Variants in EFNA5 observed in about 807,000 individuals in gnomAD.
EFNA5 encodes the protein ephrin A5.
In EFNA5, 5 loss-of-function variants were observed where a neutral mutation model predicts 22.9. The ratio of observed to expected loss-of-function variants is 0.22; its 90% CI spans 0.11 to 0.46. The LOEUF (loss-of-function observed/expected upper bound fraction) is 0.46. Among genes scored for constraint, EFNA5 ranks in the 20% least tolerant of loss-of-function variants. EFNA5 has a pLI of 0.99. For missense variants in EFNA5, 237 were observed against 293.3 expected, an observed-to-expected ratio of 0.81 and a Z score of 1.40; for synonymous variants, 113 against 112.2, an observed-to-expected ratio of 1.01 and a Z score of -0.04.
chr5:107,566,480 A>G (rs186876204), intron 1 of EFNA5, among the ~76,000 whole-genome samples: 129 of 152,350 alleles, frequency 8.5e-4, no homozygotes, highest in African/African-American at 2.9e-3. Flanking sequence ...GGAGCTTAGA[A>G]TAAAACAGTC....
chr5:107,527,909 A>G (rs1025890510), intron 1 of EFNA5, among the ~76,000 whole-genome samples: 1 of 152,172 alleles, frequency 6.6e-6, no homozygotes, highest in African/African-American at 2.4e-5. Context: ...TCAGTACATG[A>G]AAAATGTCAC....
chr5:107,552,905 C>T (rs1187820792), intron 1 of EFNA5, among the ~76,000 whole-genome samples: 1 of 152,180 alleles, frequency 6.6e-6, no homozygotes, highest in South Asian at 2.1e-4. Flanking sequence ...TAAGCTGTAA[C>T]ATGTGGGCAA....
chr5:107,595,201 C>T (rs1023066979), intron 1 of EFNA5, among the ~76,000 whole-genome samples: 11 of 151,690 alleles, frequency 7.3e-5, no homozygotes, highest in Middle Eastern at 3.4e-3. Flanking sequence ...ATAAGTATAA[C>T]CTTTAGAATG....
At chr5:107,418,183 G>A (rs1382632265) in intron 2 of EFNA5, among the ~76,000 whole-genome samples, 1 of 152,186 alleles carries the variant, frequency 6.6e-6, no homozygotes, top group African/African-American at 2.4e-5. Context: ...GAAACACAGA[G>A]AATAGCATGC....
chr5:107,544,749 C>T (rs942715826), intron 1 of EFNA5, among the ~76,000 whole-genome samples: 5 of 152,198 alleles, frequency 3.3e-5, no homozygotes, highest in Non-Finnish European at 5.9e-5. Context: ...ACTTGCCAAA[C>T]TCCCTGAGTG....
At chr5:107,591,545 G>C (rs1027736010) in intron 1 of EFNA5, among the ~76,000 whole-genome samples, 1 of 151,690 alleles carries the variant, frequency 6.6e-6, no homozygotes, top group Admixed American at 6.6e-5. Context: ...TATTGAGGCC[G>C]GGTGCAGTGG....
intron 1 of EFNA5, among the ~76,000 whole-genome samples, chr5:107,468,072 G>C (rs1389340997): frequency 6.6e-6 from 1 of 152,118 alleles, no homozygotes; most frequent in East Asian, 1.9e-4. Flanking sequence ...TTGGTAGAAC[G>C]GATAGCATAC....
intron 1 of EFNA5, among the ~76,000 whole-genome samples, chr5:107,461,992 C>T (rs1749847759): frequency 6.6e-6 from 1 of 152,146 alleles, no homozygotes; most frequent in African/African-American, 2.4e-5. Context: ...TTCCAATGTG[C>T]CCTGCACAGA....
chr5:107,654,971 T>C (rs919924815), intron 1 of EFNA5, among the ~76,000 whole-genome samples: 1 of 151,802 alleles, frequency 6.6e-6, no homozygotes, highest in Admixed American at 6.6e-5. Context: ...AATTACTGGA[T>C]AGCTATACAC....
At chr5:107,430,654 A>G (rs2112424658) in intron 1 of EFNA5, among the ~76,000 whole-genome samples, 1 of 151,900 alleles carries the variant, frequency 6.6e-6, no homozygotes, top group African/African-American at 2.4e-5. Flanking sequence ...GACCCATTCT[A>G]CTTTGTGTTG....
At chr5:107,391,284 T>A (rs1216242158) in intron 2 of EFNA5, among the ~76,000 whole-genome samples, 1 of 152,146 alleles carries the variant, frequency 6.6e-6, no homozygotes, top group East Asian at 1.9e-4. Context: ...AGCTGGGACA[T>A]AAATATGAAC....
At chr5:107,657,754 A>T (rs975151472) in intron 1 of EFNA5, among the ~76,000 whole-genome samples, 2 of 152,140 alleles carry the variant, frequency 1.3e-5, no homozygotes, top group African/African-American at 4.8e-5. Context: ...CATTCCATAG[A>T]GGTACATTTC....
intron 1 of EFNA5, among the ~76,000 whole-genome samples, chr5:107,507,036 G>A (rs1249621233): frequency 6.6e-6 from 1 of 152,058 alleles, no homozygotes; most frequent in Non-Finnish European, 1.5e-5. Flanking sequence ...GATTAGAGAA[G>A]TAACATAAAA....
At chr5:107,548,474 A>T (rs897011674) in intron 1 of EFNA5, among the ~76,000 whole-genome samples, 5 of 152,238 alleles carry the variant, frequency 3.3e-5, no homozygotes, top group African/African-American at 1.2e-4. Flanking sequence ...AATGCTGTAG[A>T]TATACCTTCA....
In EFNA5 at chr5:107,607,193, T is replaced by C. The variant is rs191688553; in HGVS notation, c.125+63296A>G. ...AAAAGAGATTGTCTGCAAATACAAA[T>C]GAAAACATTTCTGAACCAGACTGCT... On this transcript the variant is annotated intron_variant, in intron 1 of 4. Transcript: ENST00000333274. Among the ~76,000 whole-genome samples the C allele has an allele frequency of 2.8e-3, 433 of 152,318 alleles. 4 individuals are homozygous for C. The highest frequency in any genetic ancestry group is 0.01 in the African/African-American group (422 of 41,572).
intron 2 of EFNA5, among the ~76,000 whole-genome samples, chr5:107,400,610 T>C (rs1580425989): frequency 6.6e-6 from 1 of 152,360 alleles, no homozygotes; most frequent in East Asian, 1.9e-4. Context: ...ACAGTGTTTC[T>C]AAAATCTAAC....
chr5:107,399,368 G>A (rs549181538), intron 2 of EFNA5, among the ~76,000 whole-genome samples: 2 of 64,906 alleles, frequency 3.1e-5, no homozygotes, highest in African/African-American at 1.3e-4. Context: ...AGGAAAGGAA[G>A]GAGGGAGGAA....
intron 2 of EFNA5, among the ~76,000 whole-genome samples, chr5:107,390,274 T>C (rs908771620): frequency 6.6e-6 from 1 of 152,216 alleles, no homozygotes; most frequent in African/African-American, 2.4e-5. Flanking sequence ...CTCTATGTTA[T>C]GCTCAAGGTT....
At chr5:107,657,248 A>C (rs1481935950) in intron 1 of EFNA5, among the ~76,000 whole-genome samples, 1 of 152,150 alleles carries the variant, frequency 6.6e-6, no homozygotes, top group Non-Finnish European at 1.5e-5. Context: ...TAGGTATATC[A>C]ACTCTATTTT....
Sources: gnomAD v4.1 joint callset for allele counts (sites outside exome capture counted in the v4.1 genomes callset) on GRCh38, gnomAD v4.1.1 for gene constraint, MANE v1.5 for transcripts, NCBI Gene and HGNC (gene_info 2026-07-23, HGNC 2026-07-21) for gene names.